ANKRD39: variants seen among roughly 807,000 people sequenced by gnomAD.
The protein encoded by ANKRD39 is ankyrin repeat domain-containing protein 39.
A neutral mutation model predicts 20.3 loss-of-function variants in ANKRD39; 18 were observed. The observed-to-expected ratio is 0.89, with a 90% CI of 0.61 to 1.32. The LOEUF (loss-of-function observed/expected upper bound fraction) is 1.32. Among genes scored for constraint, ANKRD39 ranks in the 40% most tolerant of loss-of-function variants. ANKRD39 has a pLI of 0.00. For synonymous variants in ANKRD39, 106 were observed against 111.9 expected, an observed-to-expected ratio of 0.95 and a Z score of 0.33; for missense variants, 243 against 250.7, an observed-to-expected ratio of 0.97 and a Z score of 0.21.
chr2:96,852,319 C>T (rs940795386), intron 3 of ANKRD39, among the ~76,000 whole-genome samples: 15 of 134,866 alleles, frequency 1.1e-4, no homozygotes, highest in African/African-American at 2.9e-4. Flanking sequence ...CCCAGGAAGT[C>T]GGGGCTGCAG....
rs758212205 is a variant in ANKRD39, at chr2:96,857,958, C to T, written c.30G>A (p.Gly10=). ...CCGCGCTGGGATGCGAGCAGCAGGGCCCGTCCGCGCAGGGCCGAGGCGTCG... is the reference window on the plus strand; with the variant it reads ...CCGCGCTGGGATGCGAGCAGCAGGGTCCGTCCGCGCAGGGCCGAGGCGTCG... MATPRPCAD[G]PCCSHPSAVL... Residue 10 remains glycine (G), a synonymous_variant, in exon 1 of 4, where the codon GGG becomes GGA. Transcript: ENST00000393537. 2.3e-5 allele frequency: 36 copies of T among 1,567,344 alleles called. No individual in the cohort carries two copies. The Middle Eastern group carries it at 6.6e-4, about 29-fold the overall frequency.
chr2:96,854,301 C>T (rs2079852610), intron 2 of ANKRD39, 37 bp downstream of exon 2: 1 of 1,598,430 alleles, frequency 6.3e-7, no homozygotes, highest in Non-Finnish European at 8.6e-7. Flanking sequence ...TGAGTTAACG[C>T]TTCTGTCTCC....
rs750537631 is a variant in ANKRD39 at position 96,854,387 on chromosome 2, T to C, written c.155A>G (p.Gln52Arg). The change falls in exon 2 of 4, where the codon CAG becomes CGG. Residue 52 changes from glutamine to arginine, a missense_variant. Transcript: ENST00000393537. Reference sequence around the variant, plus strand: ...GGGCTGACTTGGGTCCTCGGCCTTCTGGATTAAATGCTTCACTCGGCCCAG... The same window carrying C: ...GGGCTGACTTGGGTCCTCGGCCTTCCGGATTAAATGCTTCACTCGGCCCAG... ...GDLGRVKHLI[Q>R]KAEDPSQPDS... The C allele has an allele frequency of 1.8e-5, 29 of 1,614,070 alleles. 2 individuals are homozygous for C. The South Asian group carries it at 2.4e-4, about 13-fold the overall frequency.
Position 96,848,163 on chromosome 2 carries a change from CCA to C in ANKRD39, c.*136_*137del. 8.2e-7 allele frequency: 1 copy of C among 1,215,074 alleles called. No homozygotes were observed. The allele number at this position is 1,215,074 out of a possible 1,614,324, so 75.3% of individuals were successfully genotyped here. Reference sequence around the variant, plus strand: ...CCACACCAAATCTACTCCCTCGCTTCCACAGTGACCAGACTGGGGCTCTTCCT... The same window carrying C: ...CCACACCAAATCTACTCCCTCGCTTCCAGTGACCAGACTGGGGCTCTTCCT... On this transcript the variant is annotated 3_prime_UTR_variant, in exon 4 of 4. Transcript: ENST00000393537.
At chr2:96,850,094 T>C (rs373437080) in intron 3 of ANKRD39, among the ~76,000 whole-genome samples, 2 of 152,218 alleles carry the variant, frequency 1.3e-5, no homozygotes, top group Non-Finnish European at 2.9e-5. Flanking sequence ...GAACTCTTAT[T>C]AACTCTGTGA....
chr2:96,852,195 A>C (rs542205390), intron 3 of ANKRD39, among the ~76,000 whole-genome samples: 1 of 151,606 alleles, frequency 6.6e-6, no homozygotes, highest in Non-Finnish European at 1.5e-5. Context: ...CTGGGTGAAA[A>C]AGTGAGACCC....
chr2:96,853,987 T>C (rs1464801898), intron 2 of ANKRD39, among the ~76,000 whole-genome samples: 1 of 151,968 alleles, frequency 6.6e-6, no homozygotes, highest in Non-Finnish European at 1.5e-5. Flanking sequence ...ATTAGCTGGG[T>C]GTGGTGGCAC....
At chr2:96,854,469 T>G (rs776093850) in intron 1 of ANKRD39, 28 bp from the exon 2 acceptor site, 3 of 1,605,682 alleles carry the variant, frequency 1.9e-6, no homozygotes, top group Non-Finnish European at 2.6e-6. Context: ...AAGGACTGAA[T>G]GATGCTGAAT....
chr2:96,857,818 T>G (rs1468773905), intron 1 of ANKRD39, 70 bp downstream of exon 1: 1 of 1,471,956 alleles, frequency 6.8e-7, no homozygotes, highest in African/African-American at 1.4e-5. Context: ...CATCCGCCTC[T>G]CCTTGGCCCC....
chr2:96,855,893 T>C (rs892247592), intron 1 of ANKRD39, among the ~76,000 whole-genome samples: 1 of 152,062 alleles, frequency 6.6e-6, no homozygotes, highest in South Asian at 2.1e-4. Flanking sequence ...GGCAGGAGAA[T>C]GGCGTGAACC....
At chr2:96,856,468 C>CAAAAAAAAAAAA (rs56306893) in intron 1 of ANKRD39, among the ~76,000 whole-genome samples, 1 of 70,694 alleles carries the variant, frequency 1.4e-5, no homozygotes, top group Admixed American at 1.5e-4. Context: ...GACTCCATCT[C>CAAAAAAAAAAAA]AAAAAAAAAA....
chr2:96,851,934 T>C (rs1466779762), intron 3 of ANKRD39, among the ~76,000 whole-genome samples: 1 of 152,182 alleles, frequency 6.6e-6, no homozygotes, highest in Non-Finnish European at 1.5e-5. Context: ...CTCATGCCTG[T>C]AATCCCAGCA....
At chr2:96,848,740 G>C (rs921480553) in intron 3 of ANKRD39, among the ~76,000 whole-genome samples, 2 of 152,102 alleles carry the variant, frequency 1.3e-5, no homozygotes, top group African/African-American at 4.8e-5. Context: ...AATATCGCTT[G>C]AACCCGGGAG....
chr2:96,857,745 G>C, intron 1 of ANKRD39, 143 bp downstream of exon 1: 1 of 862,230 alleles, frequency 1.2e-6, no homozygotes, highest in South Asian at 1.7e-5. Context: ...GGGAACCGTG[G>C]GTCCCGCCCG....
chr2:96,853,341 G>C (rs1413742839), intron 3 of ANKRD39, 60 bp downstream of exon 3: 1 of 1,509,478 alleles, frequency 6.6e-7, no homozygotes, highest in Admixed American at 2.0e-5. Flanking sequence ...TTTTCTACAT[G>C]AACATGTTAT....
At chr2:96,851,342 G>T (rs1241810063) in intron 3 of ANKRD39, among the ~76,000 whole-genome samples, 1 of 152,122 alleles carries the variant, frequency 6.6e-6, no homozygotes, top group African/African-American at 2.4e-5. Flanking sequence ...TTTTAGTAGA[G>T]ACGGGGTTTC....
chr2:96,853,443 G>T lies in ANKRD39; in HGVS notation c.366C>A (p.Asn122Lys). 6.3e-7 allele frequency: 1 copy of T among 1,593,636 alleles called. No homozygotes were observed. Among genetic ancestry groups the T allele is most frequent in the Non-Finnish European group, 8.5e-7 (1 of 1,170,258 alleles). ...IARLLLSHGS[N>K]PRVVDDDGMT... ...TGCCGTCGTCATCCACCACCCTGGG[G>T]TTGGACCCATGTGATAGCAGGAGCC... Residue 122 changes from asparagine to lysine, a missense_variant, in exon 3 of 4, where the codon AAC becomes AAA. Physicochemically the swap from Asn to Lys is moderately conservative, Grantham distance 94. Coordinates refer to ENST00000393537, the MANE Select transcript of ANKRD39 (RefSeq NM_016466.6).
intron 3 of ANKRD39, among the ~76,000 whole-genome samples, chr2:96,850,670 A>G (rs1175751367): frequency 6.6e-6 from 1 of 151,974 alleles, no homozygotes; most frequent in Admixed American, 6.5e-5. Flanking sequence ...ATCTAAAAAA[A>G]CAAAACAAAA....
Position 96,854,345 on chromosome 2 carries a change from G to C in ANKRD39, c.197C>G (p.Thr66Ser), listed in dbSNP as rs773816799. The change falls in exon 2 of 4, where the codon ACT becomes AGT. Residue 66 changes from threonine (T) to serine (S), a missense_variant. Transcript: ENST00000393537. ...TGCTCCTCCCTAGCTCACCAGCGCAGTGTAGCCGGCCGAGTCGGGCTGACT... is the reference window on the plus strand; with the variant it reads ...TGCTCCTCCCTAGCTCACCAGCGCACTGTAGCCGGCCGAGTCGGGCTGACT... ...DPSQPDSAGY[T>S]ALHYASRNGH... 8.7e-5 allele frequency: 141 copies of C among 1,613,994 alleles called. No homozygotes were observed. The highest frequency in any genetic ancestry group is 1.1e-4 in the Non-Finnish European group (135 of 1,180,012).
Sources: allele counts gnomAD v4.1 joint callset (sites outside exome capture counted in the v4.1 genomes callset), GRCh38; gene constraint gnomAD v4.1.1; transcripts MANE v1.5; gene names NCBI Gene and HGNC (gene_info 2026-07-23, HGNC 2026-07-21).